Variants in FSTL5 observed in about 807,000 individuals in gnomAD.
FSTL5 encodes follistatin-related protein 5.
A neutral mutation model predicts 89.1 loss-of-function variants in FSTL5; 62 were observed. The observed-to-expected ratio is 0.70, with a 90% CI of 0.57 to 0.86. FSTL5 has a LOEUF of 0.86. Among genes scored for constraint, FSTL5 ranks in the 40% least tolerant of loss-of-function variants. The pLI, the probability that FSTL5 is intolerant of heterozygous loss-of-function variation, is 0.00. For missense variants in FSTL5, 1,057 were observed against 1,001.6 expected (o/e 1.06, Z -0.75); for synonymous variants, 383 against 346.2 (o/e 1.11, Z -1.18).
At position 161,705,958 on chromosome 4, in the gene FSTL5, A is replaced by ATGTGTGTGTG. The variant is rs1233550387; in HGVS notation, c.728-49465_728-49464insCACACACACA. The stretch of plus-strand genomic sequence containing the variant: ...TGTGTGTGTGTAGATGTGTGTATAT[A>ATGTGTGTGTG]TATATATATATATATATATATATAT... On this transcript the variant is annotated intron_variant, in intron 6 of 15. Transcript: ENST00000306100. Among the ~76,000 whole-genome samples, 164 of 52,888 alleles carry ATGTGTGTGTG rather than the reference A, an allele frequency of 3.1e-3. 4 individuals are homozygous for ATGTGTGTGTG. Among genetic ancestry groups the ATGTGTGTGTG allele is most frequent in the African/African-American group, 0.013 (125 of 9,726 alleles). The allele number at this position is 52,888 out of a possible 152,430, so 34.7% of individuals were successfully genotyped here. A position where few individuals can be genotyped will look rare whatever the true frequency, so the allele number is the denominator to read the frequency against.
At chr4:161,769,908 C>T (rs180768537) in intron 5 of FSTL5, among the ~76,000 whole-genome samples, 14 of 151,138 alleles carry the variant, frequency 9.3e-5, no homozygotes, top group Non-Finnish European at 2.1e-4. Flanking sequence ...AAAAAAAAAC[C>T]TAAAGACTCC....
At chr4:161,452,983 A>C in intron 15 of FSTL5, among the ~76,000 whole-genome samples, 1 of 152,212 alleles carries the variant, frequency 6.6e-6, no homozygotes, top group East Asian at 1.9e-4. Flanking sequence ...TCCAGCTCTG[A>C]GGTAATCATT....
intron 3 of FSTL5, among the ~76,000 whole-genome samples, chr4:161,952,000 T>C (rs1311346172): frequency 6.6e-6 from 1 of 152,080 alleles, no homozygotes; most frequent in African/African-American, 2.4e-5. Flanking sequence ...CTTCTAGGTA[T>C]TGTGTCTTTA....
intron 4 of FSTL5, among the ~76,000 whole-genome samples, chr4:161,877,592 C>T (rs1349033533): frequency 6.6e-6 from 1 of 150,774 alleles, no homozygotes; most frequent in Admixed American, 6.6e-5. Flanking sequence ...TTTGGGAGGC[C>T]GAGGAGGGCG....
At chr4:161,934,268 G>T (rs1052508315) in intron 3 of FSTL5, among the ~76,000 whole-genome samples, 1 of 152,026 alleles carries the variant, frequency 6.6e-6, no homozygotes, top group African/African-American at 2.4e-5. Flanking sequence ...CAATATGGAA[G>T]ATATTTATTA....
intron 6 of FSTL5, among the ~76,000 whole-genome samples, chr4:161,723,461 A>G (rs1256588488): frequency 6.6e-6 from 1 of 152,212 alleles, no homozygotes. Flanking sequence ...AATATTAGGC[A>G]GGGCACAACG....
At chr4:161,440,064 C>T (rs1316538243) in intron 15 of FSTL5, among the ~76,000 whole-genome samples, 1 of 152,034 alleles carries the variant, frequency 6.6e-6, no homozygotes, top group Non-Finnish European at 1.5e-5. Context: ...TTACTAGAGT[C>T]GTAGAGAAGA....
intron 6 of FSTL5, among the ~76,000 whole-genome samples, chr4:161,674,694 C>T (rs1387265867): frequency 6.6e-6 from 1 of 152,036 alleles, no homozygotes; most frequent in Non-Finnish European, 1.5e-5. Context: ...TTAAGAGGTA[C>T]GTAGTGACCA....
rs188738128 is a variant in FSTL5 at position 161,835,423 on chromosome 4, T to C, written c.410-59349A>G. 8.6e-3 allele frequency among the ~76,000 whole-genome samples: 1,301 copies of C among 151,772 alleles called. 17 individuals carry two copies. The highest frequency in any genetic ancestry group is 0.029 in the African/African-American group (1,204 of 41,218). ...GACTTCATGTCCAAAACACCAAAAG[T>C]AATGGCAACAAAAGCCAAAATTGAC... On this transcript the variant is annotated intron_variant, in intron 4 of 15. Coordinates refer to ENST00000306100, the MANE Select transcript of FSTL5 (RefSeq NM_020116.5).
intron 1 of FSTL5, among the ~76,000 whole-genome samples, chr4:162,157,164 G>A (rs1733508200): frequency 6.6e-6 from 1 of 151,946 alleles, no homozygotes; most frequent in South Asian, 2.1e-4. Context: ...TAGAGAATAG[G>A]GAATCAGACA....
intron 12 of FSTL5, among the ~76,000 whole-genome samples, chr4:161,482,434 T>G (rs893052525): frequency 7.9e-5 from 12 of 152,238 alleles, no homozygotes; most frequent in African/African-American, 2.7e-4. Flanking sequence ...CTAATTTCAT[T>G]TATTTGTATA....
intron 3 of FSTL5, among the ~76,000 whole-genome samples, chr4:162,031,655 G>A (rs574418364): frequency 1.8e-4 from 28 of 152,132 alleles, no homozygotes; most frequent in Non-Finnish European, 3.4e-4. Context: ...CAGGAGTCTA[G>A]GGCCGGGCGC....
intron 11 of FSTL5, among the ~76,000 whole-genome samples, chr4:161,505,105 T>A (rs1377902951): frequency 6.6e-6 from 1 of 152,126 alleles, no homozygotes; most frequent in African/African-American, 2.4e-5. Context: ...ATATTATCCT[T>A]TTTACTTTCA....
intron 6 of FSTL5, among the ~76,000 whole-genome samples, chr4:161,668,389 A>G (rs1560779805): frequency 6.6e-6 from 1 of 152,278 alleles, no homozygotes; most frequent in East Asian, 1.9e-4. Context: ...CACCTTCCCA[A>G]CAGAAACTAT....
At chr4:161,440,164 C>T (rs1732710790) in intron 15 of FSTL5, among the ~76,000 whole-genome samples, 1 of 152,078 alleles carries the variant, frequency 6.6e-6, no homozygotes, top group Admixed American at 6.6e-5. Context: ...TAATCCTCCA[C>T]AAAAGGCACT....
intron 3 of FSTL5, among the ~76,000 whole-genome samples, chr4:161,943,024 A>C (rs891197478): frequency 2.0e-5 from 3 of 152,296 alleles, no homozygotes; most frequent in Non-Finnish European, 4.4e-5. Flanking sequence ...ATTTCTACAA[A>C]CTAGTGATAC....
chr4:161,440,111 C>T (rs539563468), intron 15 of FSTL5, among the ~76,000 whole-genome samples: 24 of 152,080 alleles, frequency 1.6e-4, no homozygotes, highest in Non-Finnish European at 2.8e-4. Flanking sequence ...CAATGAAATG[C>T]TACTATTTAT....
At chr4:161,468,502 A>G (rs202023045) in intron 13 of FSTL5, among the ~76,000 whole-genome samples, 2 of 152,240 alleles carry the variant, frequency 1.3e-5, no homozygotes, top group East Asian at 3.9e-4. Context: ...CATATTCCTC[A>G]GGTTAGTTGA....
intron 4 of FSTL5, among the ~76,000 whole-genome samples, chr4:161,837,239 C>T (rs1421052207): frequency 6.6e-6 from 1 of 151,948 alleles, no homozygotes; most frequent in Non-Finnish European, 1.5e-5. Flanking sequence ...TTGAAAGATG[C>T]TTTCCTAAAA....
Sources: gnomAD v4.1 joint callset for allele counts (sites outside exome capture counted in the v4.1 genomes callset) on GRCh38, gnomAD v4.1.1 for gene constraint, MANE v1.5 for transcripts, NCBI Gene and HGNC (gene_info 2026-07-23, HGNC 2026-07-21) for gene names.